Variants in SH3RF1 observed in about 807,000 individuals in gnomAD.
SH3RF1 encodes SH3 domain containing ring finger 1.
A neutral mutation model predicts 74.0 loss-of-function variants in SH3RF1; 32 were observed. The observed-to-expected ratio is 0.43, with a 90% CI of 0.33 to 0.58. The LOEUF (loss-of-function observed/expected upper bound fraction) is 0.58, where lower values mean the gene tolerates loss of function less well. Ranked by LOEUF, SH3RF1 falls within the 20% of genes least tolerant of loss-of-function variation. The probability of loss-of-function intolerance (pLI) is 0.05; values close to 1 mark genes in which losing one functional copy is unlikely to be tolerated. For synonymous variants in SH3RF1, 396 were observed against 439.6 expected (o/e 0.90, Z 1.24); for missense variants, 954 against 1,130.9 (o/e 0.84, Z 2.24).
chr4:169,127,499 G>C (rs1733547845), intron 6 of SH3RF1, among the ~76,000 whole-genome samples: 1 of 152,150 alleles, frequency 6.6e-6, no homozygotes, highest in Non-Finnish European at 1.5e-5. Flanking sequence ...ACTTAAACCT[G>C]ACATATTAAA....
intron 2 of SH3RF1, among the ~76,000 whole-genome samples, chr4:169,219,123 T>C (rs1730520227): frequency 6.6e-6 from 1 of 151,928 alleles, no homozygotes; most frequent in Non-Finnish European, 1.5e-5. Flanking sequence ...ACAAAAAAAT[T>C]ACAATGAGGA....
intron 2 of SH3RF1, among the ~76,000 whole-genome samples, chr4:169,191,618 G>A (rs897391733): frequency 7.2e-5 from 11 of 152,210 alleles, no homozygotes; most frequent in Admixed American, 1.3e-4. Context: ...CAAATCTGGA[G>A]GCATCACATT....
chr4:169,146,540 T>A (rs1733898048), intron 4 of SH3RF1, among the ~76,000 whole-genome samples: 1 of 152,052 alleles, frequency 6.6e-6, no homozygotes, highest in South Asian at 2.1e-4. Context: ...AAATATATTT[T>A]TAAAAAAGAA....
intron 2 of SH3RF1, among the ~76,000 whole-genome samples, chr4:169,197,026 G>A (rs998298251): frequency 7.2e-5 from 11 of 151,914 alleles, no homozygotes; most frequent in Non-Finnish European, 1.0e-4. Flanking sequence ...TATTTTTTGA[G>A]ACATTGTCTC....
chr4:169,149,740 T>C (rs1733947214), intron 4 of SH3RF1, among the ~76,000 whole-genome samples: 2 of 152,156 alleles, frequency 1.3e-5, no homozygotes, highest in South Asian at 4.1e-4. Context: ...AAATAATACA[T>C]CTAAAGGAAA....
intron 4 of SH3RF1, among the ~76,000 whole-genome samples, chr4:169,153,046 C>T (rs28470351): frequency 0.32 from 48,443 of 152,088 alleles, 8,034 homozygotes; most frequent in African/African-American, 0.4. Flanking sequence ...AGGCCCATCC[C>T]GTGCAGACTT....
At chr4:169,239,743 G>A (rs947692341) in intron 2 of SH3RF1, among the ~76,000 whole-genome samples, 15 of 152,172 alleles carry the variant, frequency 9.9e-5, no homozygotes, top group Admixed American at 9.2e-4. Context: ...AAGATCGGCC[G>A]AGTGCAGTGG....
chr4:169,140,759 C>T (rs1299892588), intron 4 of SH3RF1, among the ~76,000 whole-genome samples: 1 of 151,960 alleles, frequency 6.6e-6, no homozygotes, highest in Non-Finnish European at 1.5e-5. Flanking sequence ...TTAATAAGAA[C>T]TAAGTTGAAT....
chr4:169,158,225 A>C lies in SH3RF1; in HGVS notation c.394-1546T>G, dbSNP rs1199037134. ...CTCGTGTTTGGTGAGTAGGAAAATG[A>C]AACACTTCCTGGAGGAAGTGACACA... is the stretch of plus-strand genomic sequence containing the variant. On this transcript the variant is annotated intron_variant, in intron 2 of 11. Coordinates refer to ENST00000284637, the MANE Select transcript of SH3RF1 (RefSeq NM_020870.4). Among the ~76,000 whole-genome samples, 6 of 152,234 alleles carry C rather than the reference A, an allele frequency of 3.9e-5. 1 individual carries two copies. The highest frequency in any genetic ancestry group is 3.8e-4 in the East Asian group (2 of 5,204).
chr4:169,108,330 A>G (rs942708209), intron 10 of SH3RF1, among the ~76,000 whole-genome samples: 4 of 152,250 alleles, frequency 2.6e-5, no homozygotes, highest in African/African-American at 9.6e-5. Flanking sequence ...TGGGAATAAT[A>G]GCTTAGGCTC....
Position 169,268,902 on chromosome 4 carries a change from A to G in SH3RF1, c.311T>C (p.Val104Ala). Residue 104 changes from valine (V) to alanine (A), a missense_variant, in exon 2 of 12, where the codon GTG becomes GCG. Val to Ala is a moderately conservative substitution (Grantham distance 64). Transcript: ENST00000284637. ...CAGATCTTTTGAGCTACAATTAGCC[A>G]CAGTGCTGCTCTGAGACCTTAATGC... ...TNALRSQSST[V>A]ANCSSKDLQS... The G allele has an allele frequency of 1.2e-6, 2 of 1,613,730 alleles. No homozygotes were observed. Among genetic ancestry groups the G allele is most frequent in the South Asian group, 1.1e-5 (1 of 91,044 alleles).
At chr4:169,102,765 T>C (rs557707856) in intron 11 of SH3RF1, among the ~76,000 whole-genome samples, 1 of 152,248 alleles carries the variant, frequency 6.6e-6, no homozygotes, top group South Asian at 2.1e-4. Context: ...CACAGAAGAA[T>C]CCTTTTGTTC....
At chr4:169,157,964 C>T (rs1734087764) in intron 2 of SH3RF1, among the ~76,000 whole-genome samples, 1 of 152,122 alleles carries the variant, frequency 6.6e-6, no homozygotes, top group South Asian at 2.1e-4. Flanking sequence ...GTCTCAAACT[C>T]CTGACCTCAA....
chr4:169,133,538 G>A (rs1026073420), intron 5 of SH3RF1, among the ~76,000 whole-genome samples: 4 of 152,042 alleles, frequency 2.6e-5, no homozygotes, highest in African/African-American at 9.7e-5. Flanking sequence ...AGCACTTGGG[G>A]AGGCTGAAGT....
intron 2 of SH3RF1, among the ~76,000 whole-genome samples, chr4:169,214,212 T>C (rs1055502687): frequency 6.6e-6 from 1 of 152,132 alleles, no homozygotes; most frequent in African/African-American, 2.4e-5. Flanking sequence ...ATCTGGCTGT[T>C]TAAAAGTGTG....
intron 2 of SH3RF1, among the ~76,000 whole-genome samples, chr4:169,184,756 GAATATGCCAAAACAA>G (rs1734576439): frequency 6.6e-6 from 1 of 152,140 alleles, no homozygotes; most frequent in African/African-American, 2.4e-5. Flanking sequence ...GCTAAGAATA[GAATATGCCAAAACAA>G]AGTCTGCACT....
At chr4:169,259,652 T>C (rs774598721) in intron 2 of SH3RF1, among the ~76,000 whole-genome samples, 11 of 152,184 alleles carry the variant, frequency 7.2e-5, no homozygotes, top group Non-Finnish European at 1.5e-4. Context: ...GTACTCTTTA[T>C]AATAAAAGCT....
At chr4:169,223,378 A>G (rs1730600055) in intron 2 of SH3RF1, among the ~76,000 whole-genome samples, 2 of 152,220 alleles carry the variant, frequency 1.3e-5, no homozygotes, top group Non-Finnish European at 2.9e-5. Flanking sequence ...GGCAATGTGA[A>G]AGGGGTGGTG....
rs749703738 is a variant in SH3RF1, at chr4:169,130,052, G to C, written c.1173C>G (p.Ala391=). 1 of 1,613,026 alleles carries C rather than the reference G, an allele frequency of 6.2e-7. No individual in the cohort carries two copies. Among genetic ancestry groups the C allele is most frequent in the Non-Finnish European group, 8.5e-7 (1 of 1,179,444 alleles). ...TFPSDVPYQA[A]LGTLNPPLPP... ...TGGGAGAAACTATACTCACTCCAAG[G>C]GCAGCTTGGTAGGGAACATCTGATG... The change falls in exon 6 of 12, where the codon GCC becomes GCG. Residue 391 remains alanine (A), a synonymous_variant. Transcript: ENST00000284637.
Sources: gnomAD v4.1 joint callset for allele counts (sites outside exome capture counted in the v4.1 genomes callset) on GRCh38, gnomAD v4.1.1 for gene constraint, MANE v1.5 for transcripts, NCBI Gene and HGNC (gene_info 2026-07-23, HGNC 2026-07-21) for gene names.